The following PPP2R5C variants were observed in gnomAD, a reference collection of about 807,000 sequenced individuals.
The protein encoded by PPP2R5C is protein phosphatase 2 regulatory subunit B'gamma, also known as serine/threonine-protein phosphatase 2A 56 kDa regulatory subunit gamma isoform.
In PPP2R5C, 7 loss-of-function variants were observed where a neutral mutation model predicts 68.9. The observed-to-expected ratio is 0.10, with a 90% confidence interval of 0.06 to 0.19. PPP2R5C has a LOEUF of 0.19. Among genes scored for constraint, PPP2R5C ranks in the 10% least tolerant of loss-of-function variants. PPP2R5C has a pLI of 1.00. For missense variants in PPP2R5C, 348 were observed against 641.3 expected, an observed-to-expected ratio of 0.54 and a Z score of 4.94; for synonymous variants, 210 against 222.2, an observed-to-expected ratio of 0.95 and a Z score of 0.49.
At position 101,888,767 on chromosome 14, in the gene PPP2R5C, T is replaced by C. The variant is rs1566942855; in HGVS notation, c.630-1470T>C. Among the ~76,000 whole-genome samples, 3 of 152,260 alleles carry C rather than the reference T, an allele frequency of 2.0e-5. No individual in the cohort carries two copies. Among genetic ancestry groups the C allele is most frequent in the South Asian group, 4.1e-4 (2 of 4,824 alleles). ...CCACCATGCCCGGCTAATTTTTATA[T>C]ATTTAGTAGAGGTGGAGTTTTGCCA... On this transcript the variant is annotated intron_variant, in intron 5 of 13. Transcript: ENST00000334743. The surrounding 1 kb of genome is among the most constrained non-coding windows in gnomAD (Gnocchi z 5.6).
chr14:101,789,125 A>G (rs764074139), intron 3 of PPP2R5C, among the ~76,000 whole-genome samples: 6 of 152,332 alleles, frequency 3.9e-5, no homozygotes, highest in South Asian at 2.1e-4. Flanking sequence ...CAGTCTGCAT[A>G]TATAGTCCTG....
At chr14:101,780,517 A>AGAG (rs2037623292) in intron 2 of PPP2R5C, among the ~76,000 whole-genome samples, 2 of 152,310 alleles carry the variant, frequency 1.3e-5, no homozygotes, top group Non-Finnish European at 2.9e-5. Context: ...GGCCCACAGC[A>AGAG]GAGGCTCACC....
At chr14:101,818,344 A>C (rs538079113) in intron 1 of PPP2R5C, 1 of 152,298 alleles carries the variant, frequency 6.6e-6, no homozygotes, top group African/African-American at 2.4e-5. Flanking sequence ...TTCATCTTTA[A>C]AAGTTGGTAT....
chr14:101,902,970 A>G (rs776578866), intron 9 of PPP2R5C, among the ~76,000 whole-genome samples: 12 of 151,438 alleles, frequency 7.9e-5, no homozygotes, highest in South Asian at 2.1e-4. Context: ...ATAAATTCCA[A>G]TGAGTTTTCA....
At chr14:101,921,070 T>C (rs1430930531) in intron 13 of PPP2R5C, 1 of 140,880 alleles carries the variant, frequency 7.1e-6, no homozygotes, top group Non-Finnish European at 1.5e-5. Context: ...TTTTTTTTTT[T>C]TTTTTTTTTT....
intron 2 of PPP2R5C, among the ~76,000 whole-genome samples, chr14:101,876,931 G>A (rs1198592876): frequency 2.0e-5 from 3 of 146,966 alleles, no homozygotes; most frequent in African/African-American, 5.0e-5. Context: ...AATAAAAAAA[G>A]GATTTACGCT....
In PPP2R5C at chr14:101,846,366, A is replaced by T. The variant is rs555311372; in HGVS notation, c.95-10320A>T. On this transcript the variant is annotated intron_variant, in intron 1 of 13. Transcript: ENST00000334743. The stretch of plus-strand genomic sequence containing the variant: ...AAGAATTACCAAAAAAAGAAAAAGG[A>T]AAGTGAAAGATGTAACTTGATTTTA... Among the ~76,000 whole-genome samples, 9 of 152,356 alleles carry T rather than the reference A, an allele frequency of 5.9e-5. No individual in the cohort carries two copies. In the East Asian group the frequency reaches 1.5e-3, roughly 26 times the overall value.
chr14:101,848,931 C>A (rs116624776), intron 1 of PPP2R5C, among the ~76,000 whole-genome samples: 134 of 152,282 alleles, frequency 8.8e-4, no homozygotes, highest in African/African-American at 2.9e-3. Flanking sequence ...ACATAACCAC[C>A]ATTCAGGCTG....
At chr14:101,895,168 G>T (rs2045231654) in intron 8 of PPP2R5C, among the ~76,000 whole-genome samples, 1 of 152,148 alleles carries the variant, frequency 6.6e-6, no homozygotes, top group Non-Finnish European at 1.5e-5. Context: ...AACAAAGCCA[G>T]ACATGTCAGG....
At chr14:101,893,175 G>T in intron 7 of PPP2R5C, 67 bp downstream of exon 9, 2 of 1,132,570 alleles carry the variant, frequency 1.8e-6, no homozygotes, top group Non-Finnish European at 1.3e-6. Flanking sequence ...ACGAGATAGT[G>T]AATCCGGCCT....
intron 1 of PPP2R5C, chr14:101,810,285 C>G (rs1389281814): frequency 6.8e-6 from 3 of 444,082 alleles, no homozygotes; most frequent in Non-Finnish European, 1.2e-5. Context: ...TCTGCTCGCT[C>G]TCCCATCCCC....
intron 3 of PPP2R5C, among the ~76,000 whole-genome samples, chr14:101,800,907 C>G (rs1440189992): frequency 6.6e-6 from 1 of 152,136 alleles, no homozygotes; most frequent in African/African-American, 2.4e-5. Flanking sequence ...GAATAGAAAC[C>G]TGTCATTTGC....
intron 6 of PPP2R5C, 136 bp downstream of exon 8, chr14:101,890,432 C>A: frequency 1.2e-6 from 1 of 826,554 alleles, no homozygotes; most frequent in African/African-American, 1.7e-5. Flanking sequence ...TACAATTTCA[C>A]TGAAAGCAGG....
chr14:101,878,881 G>A (rs750968368), intron 2 of PPP2R5C, among the ~76,000 whole-genome samples: 3 of 152,226 alleles, frequency 2.0e-5, no homozygotes, highest in Non-Finnish European at 4.4e-5. Context: ...GGCCTAGCCG[G>A]GTTGACACAT....
intron 1 of PPP2R5C, among the ~76,000 whole-genome samples, chr14:101,810,757 G>A (rs889723106): frequency 6.6e-6 from 1 of 152,090 alleles, no homozygotes; most frequent in Non-Finnish European, 1.5e-5. Context: ...TAATTAGTTT[G>A]CTTCTTTTTA....
At position 101,906,633 on chromosome 14, in the gene PPP2R5C, A is replaced by G; in HGVS notation, c.1151+104A>G. On this transcript the variant is annotated intron_variant, in intron 10 of 13. Transcript: ENST00000334743. The surrounding 1 kb of genome is among the most constrained non-coding windows in gnomAD (Gnocchi z 4.0). Reference sequence around the variant, plus strand: ...TATCAGAATTTTAAATATCAATTAAAAAACAAGAAGGTCAGTTGCTTTGTG... The same window carrying G: ...TATCAGAATTTTAAATATCAATTAAGAAACAAGAAGGTCAGTTGCTTTGTG... The G allele has an allele frequency of 7.1e-7, 1 of 1,411,002 alleles. No homozygotes were observed. The highest frequency in any genetic ancestry group is 9.5e-7 in the Non-Finnish European group (1 of 1,047,612). The allele number at this position is 1,411,002 out of a possible 1,614,324, so 87.4% of individuals were successfully genotyped here. A position where few individuals can be genotyped will look rare whatever the true frequency, so the allele number is the denominator to read the frequency against.
chr14:101,890,401 C>A, intron 6 of PPP2R5C, 105 bp downstream of exon 8: 1 of 1,105,904 alleles, frequency 9.0e-7, no homozygotes. Context: ...CAGTTTAAAC[C>A]ATTCTCTAAA....
upstream of PPP2R5C, chr14:101,760,676 G>T (rs1595370387): frequency 2.1e-6 from 2 of 954,162 alleles, no homozygotes; most frequent in Non-Finnish European, 2.5e-6. Context: ...GGGAGGGGCG[G>T]GCTGTCGGAT....
chr14:101,840,214 G>C (rs923717520), intron 1 of PPP2R5C, among the ~76,000 whole-genome samples: 10 of 151,928 alleles, frequency 6.6e-5, no homozygotes, highest in African/African-American at 2.2e-4. Flanking sequence ...CCTGTTTAGA[G>C]ACCCTGTTGT....
Sources: gnomAD v4.1 joint callset for allele counts (sites outside exome capture counted in the v4.1 genomes callset) on GRCh38, gnomAD v4.1.1 for gene constraint, Gnocchi (gnomAD v3.1) non-coding constraint, MANE v1.5 for transcripts, NCBI Gene and HGNC (gene_info 2026-07-23, HGNC 2026-07-21) for gene names.